The following TGFBR3 variants were observed in gnomAD, a reference collection of about 807,000 sequenced individuals.
The protein encoded by TGFBR3 is transforming growth factor beta receptor type 3.
A neutral mutation model predicts 87.9 loss-of-function variants in TGFBR3; 46 were observed. That is an observed-to-expected ratio of 0.52 (90% CI 0.41 to 0.67). The LOEUF (loss-of-function observed/expected upper bound fraction) is 0.67, where lower values mean the gene tolerates loss of function less well. TGFBR3 is among the 30% of genes least tolerant of loss of function. TGFBR3 has a pLI of 0.00. For missense variants in TGFBR3, 866 were observed against 1,041.9 expected, an observed-to-expected ratio of 0.83 and a Z score of 2.32; for synonymous variants, 381 against 391.6, an observed-to-expected ratio of 0.97 and a Z score of 0.32.
At chr1:91,880,547 G>A (rs1370125683) in intron 1 of TGFBR3, among the ~76,000 whole-genome samples, 6 of 152,004 alleles carry the variant, frequency 3.9e-5, no homozygotes, top group East Asian at 1.9e-4. Flanking sequence ...GCAGTGAGCC[G>A]AGATCGCGCC....
At chr1:91,714,614 C>T (rs1217393613) in intron 12 of TGFBR3, among the ~76,000 whole-genome samples, 3 of 151,884 alleles carry the variant, frequency 2.0e-5, no homozygotes, top group African/African-American at 7.3e-5. Context: ...GGAAAAAACC[C>T]AAAATATCCA....
intron 14 of TGFBR3, 29 bp downstream of exon 14, chr1:91,708,634 A>G (rs1671880530): frequency 6.2e-7 from 1 of 1,613,724 alleles, no homozygotes; most frequent in East Asian, 2.2e-5. Context: ...CTCAGGCCCC[A>G]TGCTCTGATC....
rs538137164 is a variant in TGFBR3, at chr1:91,842,595, A to G, written c.61+18876T>C. ...CCAACAGCTCCTCAGCCATCTCCCAAGGACATTCCCCAACCTGCTTTTTCT... is the reference window on the plus strand; with the variant it reads ...CCAACAGCTCCTCAGCCATCTCCCAGGGACATTCCCCAACCTGCTTTTTCT... On this transcript the variant is annotated intron_variant, in intron 2 of 16. Transcript: ENST00000212355. Among the ~76,000 whole-genome samples the G allele has an allele frequency of 1.8e-4, 28 of 152,330 alleles. No individual in the cohort carries two copies. In the South Asian group the frequency reaches 2.9e-3, roughly 16 times the overall value.
At chr1:91,807,528 T>C (rs565026688) in intron 2 of TGFBR3, among the ~76,000 whole-genome samples, 14 of 152,218 alleles carry the variant, frequency 9.2e-5, no homozygotes, top group Non-Finnish European at 1.9e-4. Flanking sequence ...CTGTATTCAA[T>C]TGTGTTTTCA....
intron 2 of TGFBR3, among the ~76,000 whole-genome samples, chr1:91,859,393 CT>C (rs1439215817): frequency 1.4e-5 from 2 of 144,314 alleles, no homozygotes; most frequent in African/African-American, 5.3e-5. Flanking sequence ...AGCCGCTTCT[CT>C]CCCTCTTTCT....
intron 10 of TGFBR3, among the ~76,000 whole-genome samples, chr1:91,717,159 C>T (rs562589696): frequency 2.0e-5 from 3 of 151,996 alleles, no homozygotes; most frequent in Admixed American, 6.5e-5. Flanking sequence ...TTATATATAT[C>T]CTTTAAGAGT....
chr1:91,720,326 G>A, intron 8 of TGFBR3, 96 bp from the exon 9 acceptor site: 1 of 1,222,852 alleles, frequency 8.2e-7, no homozygotes, highest in Non-Finnish European at 1.2e-6. Context: ...CATAGAATGG[G>A]CAGGTGTAAA....
intron 2 of TGFBR3, among the ~76,000 whole-genome samples, chr1:91,846,073 G>A (rs1000688861): frequency 3.3e-5 from 5 of 152,132 alleles, no homozygotes; most frequent in Non-Finnish European, 7.3e-5. Context: ...GCTCCCTCAC[G>A]GAGAGCCTAG....
intron 4 of TGFBR3, among the ~76,000 whole-genome samples, chr1:91,758,174 C>G (rs1244162533): frequency 3.9e-5 from 6 of 152,256 alleles, no homozygotes; most frequent in Admixed American, 3.3e-4. Context: ...GTGTCACTTT[C>G]TCAACAAACA....
At chr1:91,860,681 C>A (rs192738747) in intron 2 of TGFBR3, among the ~76,000 whole-genome samples, 54 of 152,110 alleles carry the variant, frequency 3.6e-4, no homozygotes, top group African/African-American at 1.3e-3. Flanking sequence ...TTAGTAATCC[C>A]AGCACTTTGG....
At chr1:91,743,004 G>A (rs995164077) in intron 4 of TGFBR3, among the ~76,000 whole-genome samples, 7 of 152,068 alleles carry the variant, frequency 4.6e-5, no homozygotes, top group Non-Finnish European at 1.0e-4. Flanking sequence ...AGCCAAAGAG[G>A]CAACCAGCCC....
chr1:91,787,478 C>T (rs1032275808), intron 3 of TGFBR3, among the ~76,000 whole-genome samples: 2 of 152,172 alleles, frequency 1.3e-5, no homozygotes, highest in African/African-American at 4.8e-5. Flanking sequence ...TCCTCCAGTC[C>T]ATATCTGAGG....
chr1:91,743,422 C>T (rs530890195), intron 4 of TGFBR3, among the ~76,000 whole-genome samples: 24 of 152,288 alleles, frequency 1.6e-4, no homozygotes, highest in East Asian at 1.2e-3. Context: ...CCTCAACCTC[C>T]TTCAAGTCTA....
rs764530840 is a variant in TGFBR3, at chr1:91,683,172, G to A, written c.*567C>T. The A allele has an allele frequency of 5.3e-5, 24 of 454,536 alleles. No homozygotes were observed. Among genetic ancestry groups the A allele is most frequent in the Middle Eastern group, 6.9e-4 (1 of 1,446 alleles). 28.2% of individuals were successfully genotyped at this position (454,536 alleles called of 1,614,324 possible). ...TCCCTGAGGGCAGCACCCATCAAGG[G>A]ACACATCAGACCCCACAGGTTGTGG... On this transcript the variant is annotated 3_prime_UTR_variant, in exon 17 of 17. Coordinates refer to ENST00000212355, the MANE Select transcript of TGFBR3 (RefSeq NM_003243.5).
intron 8 of TGFBR3, 45 bp downstream of exon 8, chr1:91,721,910 A>C (rs2100787309): frequency 6.3e-7 from 1 of 1,578,184 alleles, no homozygotes. Flanking sequence ...GAAAAGCTTC[A>C]TTTGGGGGGT....
chr1:91,807,598 G>A (rs1367986151), intron 2 of TGFBR3, among the ~76,000 whole-genome samples: 1 of 152,180 alleles, frequency 6.6e-6, no homozygotes, highest in Non-Finnish European at 1.5e-5. Context: ...TCAAAGTGTT[G>A]GGAAGTGCCA....
chr1:91,812,449 T>A (rs574636085), intron 2 of TGFBR3, among the ~76,000 whole-genome samples: 1 of 152,240 alleles, frequency 6.6e-6, no homozygotes, highest in Non-Finnish European at 1.5e-5. Context: ...GCATAATTTC[T>A]TCTTGGCCAT....
rs1421077686 is a variant in TGFBR3, at chr1:91,780,537, G to C, written c.246+16750C>G. Among the ~76,000 whole-genome samples the C allele has an allele frequency of 2.8e-5, 4 of 143,036 alleles. No individual in the cohort carries two copies. In the South Asian group the frequency reaches 9.1e-4, roughly 33 times the overall value. The allele number at this position is 143,036 out of a possible 152,430, so 93.8% of individuals were successfully genotyped here. ...CCTACATAGTTGCCTACTAGTTCCC[G>C]CAAGGGTCTAAGGCTTTTTTTTTTT... On this transcript the variant is annotated intron_variant, in intron 3 of 16. Transcript: ENST00000212355.
At chr1:91,871,224 G>A (rs1678572551) in intron 1 of TGFBR3, among the ~76,000 whole-genome samples, 1 of 152,162 alleles carries the variant, frequency 6.6e-6, no homozygotes, top group Admixed American at 6.5e-5. Flanking sequence ...CTAAGCCACT[G>A]TAGACATCAA....
Sources: allele counts gnomAD v4.1 joint callset (sites outside exome capture counted in the v4.1 genomes callset), GRCh38; gene constraint gnomAD v4.1.1; transcripts MANE v1.5; gene names NCBI Gene and HGNC (gene_info 2026-07-23, HGNC 2026-07-21).